The following SLC25A12 variants were observed in gnomAD, a reference collection of about 807,000 sequenced individuals.
SLC25A12 encodes electrogenic aspartate/glutamate antiporter SLC25A12, mitochondrial.
In SLC25A12, 32 loss-of-function variants were observed where a neutral mutation model predicts 83.3. The observed-to-expected ratio is 0.38, with a 90% CI of 0.29 to 0.52. The LOEUF (loss-of-function observed/expected upper bound fraction) is 0.52. Among genes scored for constraint, SLC25A12 ranks in the 20% least tolerant of loss-of-function variants. SLC25A12 has a pLI of 0.84. For synonymous variants in SLC25A12, 267 were observed against 291.1 expected (o/e 0.92, Z 0.84); for missense variants, 611 against 835.6 (o/e 0.73, Z 3.31).
intron 8 of SLC25A12, among the ~76,000 whole-genome samples, chr2:171,828,296 T>C (rs1217623883): frequency 6.6e-6 from 1 of 152,208 alleles, no homozygotes; most frequent in Non-Finnish European, 1.5e-5. Context: ...CCCTAATCCC[T>C]ACATGTGACG....
At chr2:171,843,910 C>T (rs1171196901) in intron 5 of SLC25A12, among the ~76,000 whole-genome samples, 1 of 151,568 alleles carries the variant, frequency 6.6e-6, no homozygotes, top group Non-Finnish European at 1.5e-5. Context: ...ATTCTCCTGC[C>T]TCAGCCTCCC....
At chr2:171,789,815 A>C (rs1370401134) in intron 15 of SLC25A12, among the ~76,000 whole-genome samples, 1 of 151,228 alleles carries the variant, frequency 6.6e-6, no homozygotes, top group East Asian at 2.0e-4. Flanking sequence ...AATCGCTTGA[A>C]CCCGGGAGGC....
At chr2:171,866,845 T>G (rs1573994763) in intron 3 of SLC25A12, among the ~76,000 whole-genome samples, 2 of 145,908 alleles carry the variant, frequency 1.4e-5, no homozygotes, top group Admixed American at 6.8e-5. Context: ...ACGGGGTGGC[T>G]GCCGGGCGGA....
At chr2:171,833,874 CATGTT>C in intron 8 of SLC25A12, 84 bp downstream of exon 8, 1 of 789,324 alleles carries the variant, frequency 1.3e-6, no homozygotes, top group East Asian at 2.5e-5. Context: ...GGAAAAAACT[CATGTT>C]AGAATGAACT....
At position 171,837,063 on chromosome 2, in the gene SLC25A12, C is replaced by T; in HGVS notation, c.612+58G>A. The T allele has an allele frequency of 1.9e-6, 3 of 1,570,640 alleles. 1 individual carries two copies. Among genetic ancestry groups the T allele is most frequent in the South Asian group, 2.2e-5 (2 of 89,346 alleles). ...ATGAGTCCCTGGAGGCAATCCAGGACTCAATGGATCAAAAGGTTTGAGGAA... is the reference window on the plus strand; with the variant it reads ...ATGAGTCCCTGGAGGCAATCCAGGATTCAATGGATCAAAAGGTTTGAGGAA... On this transcript the variant is annotated intron_variant, in intron 6 of 17. Coordinates refer to ENST00000422440, the MANE Select transcript of SLC25A12 (RefSeq NM_003705.5).
intron 4 of SLC25A12, chr2:171,852,806 T>C (rs1201726101): frequency 3.3e-6 from 1 of 306,654 alleles, no homozygotes; most frequent in African/African-American, 2.2e-5. Context: ...TACAACAGTT[T>C]CAATATTTTC....
chr2:171,792,008 T>C (rs1408029875), intron 14 of SLC25A12, among the ~76,000 whole-genome samples: 2 of 152,156 alleles, frequency 1.3e-5, no homozygotes, highest in Non-Finnish European at 2.9e-5. Context: ...TAAAAAGCTA[T>C]AGGCAGTGGT....
rs1317435356 is a variant in SLC25A12 at position 171,815,134 on chromosome 2, G to A, written c.999C>T (p.Gly333=). The change falls in exon 10 of 18, where the codon GGC becomes GGT. Residue 333 remains glycine (G), a synonymous_variant. Coordinates refer to ENST00000422440, the MANE Select transcript of SLC25A12 (RefSeq NM_003705.5). ...IAESAYRFTL[G]SVAGAVGATA... is the part of the protein sequence containing the mutation. ...CATGTCACTCACCTCCAGCAACTGA[G>A]CCCAGAGTGAATCTGTAAGCAGACT... The A allele has an allele frequency of 1.2e-6, 2 of 1,613,544 alleles. No individual in the cohort carries two copies. The highest frequency in any genetic ancestry group is 1.7e-6 in the Non-Finnish European group (2 of 1,179,584).
chr2:171,843,795 C>CTTTT (rs71013078), intron 5 of SLC25A12, among the ~76,000 whole-genome samples: 9 of 117,286 alleles, frequency 7.7e-5, no homozygotes, highest in East Asian at 2.7e-4. Context: ...AAAGAACTAG[C>CTTTT]TTTTTTTTTT....
At chr2:171,843,739 G>A (rs1684731522) in intron 5 of SLC25A12, among the ~76,000 whole-genome samples, 1 of 151,928 alleles carries the variant, frequency 6.6e-6, no homozygotes, top group Non-Finnish European at 1.5e-5. Context: ...TGGGGGAAAG[G>A]GGACAGAAGT....
intron 5 of SLC25A12, among the ~76,000 whole-genome samples, chr2:171,838,186 A>T (rs1273525125): frequency 6.6e-6 from 1 of 152,266 alleles, no homozygotes; most frequent in South Asian, 2.1e-4. Flanking sequence ...TAAAGATTAC[A>T]TAATTTTCAT....
intron 4 of SLC25A12, 133 bp from the exon 5 acceptor site, chr2:171,844,641 AT>A: frequency 3.1e-6 from 2 of 653,030 alleles, no homozygotes; most frequent in South Asian, 1.9e-5. Flanking sequence ...AATAACTGCA[AT>A]TTTTTTGTGT....
intron 9 of SLC25A12, 28 bp from the exon 10 acceptor site, chr2:171,815,230 A>C: frequency 1.3e-6 from 2 of 1,546,624 alleles, no homozygotes; most frequent in Non-Finnish European, 1.8e-6. Context: ...GGTAAAAAAA[A>C]ATCTTGAAAG....
At chr2:171,794,517 C>T (rs1315498082) in intron 13 of SLC25A12, among the ~76,000 whole-genome samples, 1 of 151,536 alleles carries the variant, frequency 6.6e-6, no homozygotes, top group Non-Finnish European at 1.5e-5. Context: ...TTCTATATTC[C>T]TGTGGTGAGT....
intron 2 of SLC25A12, among the ~76,000 whole-genome samples, chr2:171,885,671 CAATAAATA>C (rs67489934): frequency 3.1e-4 from 47 of 149,442 alleles, no homozygotes; most frequent in Admixed American, 1.7e-3. Flanking sequence ...AACTCTGTCT[CAATAAATA>C]AATAAATAAA....
At chr2:171,801,569 C>T (rs1005415747) in intron 13 of SLC25A12, among the ~76,000 whole-genome samples, 3 of 152,120 alleles carry the variant, frequency 2.0e-5, no homozygotes, top group African/African-American at 7.2e-5. Flanking sequence ...AACAATGATA[C>T]AACTTATGGT....
chr2:171,834,618 A>G (rs1212459779), intron 7 of SLC25A12, 109 bp downstream of exon 7: 2 of 1,262,542 alleles, frequency 1.6e-6, no homozygotes, highest in Admixed American at 1.7e-5. Flanking sequence ...ACATGGTAAC[A>G]TACTTTCTAG....
chr2:171,797,938 C>T (rs1241885140), intron 13 of SLC25A12, among the ~76,000 whole-genome samples: 2 of 152,154 alleles, frequency 1.3e-5, no homozygotes, highest in Non-Finnish European at 2.9e-5. Context: ...CTCATGAAAT[C>T]ACCAAAATTA....
chr2:171,852,925 G>GA (rs1372673687), intron 4 of SLC25A12, among the ~76,000 whole-genome samples: 5 of 152,206 alleles, frequency 3.3e-5, no homozygotes, highest in East Asian at 1.9e-4. Flanking sequence ...GACAGAAGGT[G>GA]AAATGGTCAA....
Sources: gnomAD v4.1 joint callset for allele counts (sites outside exome capture counted in the v4.1 genomes callset) on GRCh38, gnomAD v4.1.1 for gene constraint, MANE v1.5 for transcripts, NCBI Gene and HGNC (gene_info 2026-07-23, HGNC 2026-07-21) for gene names.